Variants in CHRAC1 observed in about 807,000 individuals in gnomAD.
The protein encoded by CHRAC1 is chromatin accessibility complex protein 1.
CHRAC1 carries 6 observed loss-of-function variants against 9.1 expected under a neutral mutation model. The observed-to-expected ratio is 0.66, with a 90% confidence interval of 0.36 to 1.29. The LOEUF (loss-of-function observed/expected upper bound fraction) is 1.29. Ranked by LOEUF, CHRAC1 falls within the 50% of genes most tolerant of loss-of-function variation. The pLI, the probability that CHRAC1 is intolerant of heterozygous loss-of-function variation, is 0.03. For synonymous variants in CHRAC1, 73 were observed against 64.5 expected, an observed-to-expected ratio of 1.13 and a Z score of -0.63; for missense variants, 168 against 163.5, an observed-to-expected ratio of 1.03 and a Z score of -0.15.
intron 1 of CHRAC1, among the ~76,000 whole-genome samples, chr8:140,514,107 T>C (rs2072310050): frequency 6.6e-6 from 1 of 151,956 alleles, no homozygotes; most frequent in Non-Finnish European, 1.5e-5. Flanking sequence ...GGTTTCACTA[T>C]GTTGGCCAGT....
rs1464771790 is a variant in CHRAC1 at position 140,516,453 on chromosome 8, C to T, written c.*1206C>T. 1 of 151,990 alleles carries T rather than the reference C, an allele frequency of 6.6e-6. No individual in the cohort carries two copies. The highest frequency in any genetic ancestry group is 2.4e-5 in the African/African-American group (1 of 41,432). 9.4% of individuals were successfully genotyped at this position (151,990 alleles called of 1,614,324 possible). On this transcript the variant is annotated 3_prime_UTR_variant, in exon 3 of 3. Transcript: ENST00000220913. ...GGCGTGAGCCACCATGCCTGGCCTT[C>T]ATTATCTCTTTTTTAAAAATGAAAA...
intron 2 of CHRAC1, chr8:140,514,749 C>A: frequency 2.6e-6 from 1 of 387,762 alleles, no homozygotes; most frequent in Non-Finnish European, 4.6e-6. Flanking sequence ...GTATGCTGGG[C>A]AGTCCTTTAC....
At position 140,511,713 on chromosome 8, in the gene CHRAC1, C is replaced by T. The variant is rs879443851; in HGVS notation, c.147+67C>T. 7.2e-6 allele frequency: 9 copies of T among 1,250,152 alleles called. No individual in the cohort carries two copies. In the Admixed American group the frequency reaches 1.3e-4, roughly 18 times the overall value. The allele number at this position is 1,250,152 out of a possible 1,614,324, so 77.4% of individuals were successfully genotyped here. A position where few individuals can be genotyped will look rare whatever the true frequency, so the allele number is the denominator to read the frequency against. On this transcript the variant is annotated intron_variant, in intron 1 of 2. Coordinates refer to ENST00000220913, the MANE Select transcript of CHRAC1 (RefSeq NM_017444.6). Reference sequence around the variant, plus strand: ...GCGCCCCGCCCCGCCGGGCTCTGGGCACTGCCCAGTCCCCTTAGGCCCGCG... The same window carrying T: ...GCGCCCCGCCCCGCCGGGCTCTGGGTACTGCCCAGTCCCCTTAGGCCCGCG...
Position 140,515,142 on chromosome 8 carries a change from G to GGT in CHRAC1, c.291_292insGT (p.Ile98ValfsTer3). ...GTTTTTAAGATATATTACCAAAGAA[G>GGT]ATTTTAGCTAGTAAATACCTGAAAA... On this transcript the variant is annotated frameshift_variant, in exon 3 of 3. Coordinates refer to ENST00000220913, the MANE Select transcript of CHRAC1 (RefSeq NM_017444.6). LOFTEE classifies it high-confidence loss of function. The GGT allele has an allele frequency of 6.2e-7, 1 of 1,611,558 alleles. No individual in the cohort carries two copies. Among genetic ancestry groups the GGT allele is most frequent in the Non-Finnish European group, 8.5e-7 (1 of 1,177,770 alleles).
chr8:140,514,490 T>A lies in CHRAC1; in HGVS notation c.269T>A (p.Leu90His). The A allele has an allele frequency of 1.9e-6, 3 of 1,555,478 alleles. No homozygotes were observed. Among genetic ancestry groups the A allele is most frequent in the Non-Finnish European group, 2.6e-6 (3 of 1,161,604 alleles). ...TAQQSETFQF[L>H]ADILPKKILA... ...CAGCAATCAGAAACTTTTCAGTTTCTTGCAGGTACTTAGTCTTTGAAACAT... is the reference window on the plus strand; with the variant it reads ...CAGCAATCAGAAACTTTTCAGTTTCATGCAGGTACTTAGTCTTTGAAACAT... The change falls in exon 2 of 3, where the codon CTT (leucine) becomes CAT (histidine). Residue 90 changes from leucine (L) to histidine (H), a missense_variant. Coordinates refer to ENST00000220913, the MANE Select transcript of CHRAC1 (RefSeq NM_017444.6).
chr8:140,512,638 C>T (rs1007013219), intron 1 of CHRAC1, among the ~76,000 whole-genome samples: 3 of 152,164 alleles, frequency 2.0e-5, no homozygotes, highest in Non-Finnish European at 4.4e-5. Context: ...GATGTCCCTG[C>T]AGTGTTGGAC....
intron 1 of CHRAC1, chr8:140,512,118 C>G (rs546501804): frequency 1.1e-6 from 1 of 927,376 alleles, no homozygotes; most frequent in African/African-American, 1.7e-5. Flanking sequence ...CCGGCCCTAC[C>G]CGTGGGCGTC....
intron 1 of CHRAC1, chr8:140,512,168 G>A (rs569465037): frequency 6.9e-5 from 31 of 450,520 alleles, no homozygotes; most frequent in Non-Finnish European, 1.1e-4. Context: ...TTCTTTGGGG[G>A]CTCTTTCACC....
chr8:140,514,802 G>A (rs1208115005), intron 2 of CHRAC1: 1 of 358,398 alleles, frequency 2.8e-6, no homozygotes, highest in Non-Finnish European at 5.0e-6. Flanking sequence ...AAAACTCAGG[G>A]TGGGTCTACA....
intron 1 of CHRAC1, chr8:140,511,947 CT>C (rs2072280419): frequency 7.8e-7 from 1 of 1,288,666 alleles, no homozygotes; most frequent in Non-Finnish European, 1.0e-6. Context: ...CCGCCCGCCC[CT>C]TCCTTCCGTG....
chr8:140,513,913 CTTTTT>C (rs57880666), intron 1 of CHRAC1, among the ~76,000 whole-genome samples: 5,471 of 86,640 alleles, frequency 0.063, 47 homozygotes, highest in Middle Eastern at 0.15. Flanking sequence ...CCAGTGATTT[CTTTTT>C]TTTTTTTTTT....
At chr8:140,513,446 T>A (rs1262742125) in intron 1 of CHRAC1, among the ~76,000 whole-genome samples, 1 of 152,016 alleles carries the variant, frequency 6.6e-6, no homozygotes, top group Non-Finnish European at 1.5e-5. Flanking sequence ...TTTTTTTTCT[T>A]TTTTTTTGAG....
rs993750997 is a variant in CHRAC1, at chr8:140,511,838, G to C, written c.147+192G>C. On this transcript the variant is annotated intron_variant, in intron 1 of 2. Coordinates refer to ENST00000220913, the MANE Select transcript of CHRAC1 (RefSeq NM_017444.6). ...CGCGCGCCCCCACACTTTCTCGCGCGTCTTCGCCCCGCCCACCCCTCGCCG... is the reference window on the plus strand; with the variant it reads ...CGCGCGCCCCCACACTTTCTCGCGCCTCTTCGCCCCGCCCACCCCTCGCCG... The C allele has an allele frequency of 1.0e-5, 8 of 772,780 alleles. No individual in the cohort carries two copies. In the Middle Eastern group the frequency reaches 2.2e-3, roughly 211 times the overall value. The allele number at this position is 772,780 out of a possible 1,614,324, so 47.9% of individuals were successfully genotyped here. A position where few individuals can be genotyped will look rare whatever the true frequency, so the allele number is the denominator to read the frequency against.
chr8:140,512,302 C>T (rs368202310), intron 1 of CHRAC1, among the ~76,000 whole-genome samples: 2 of 152,066 alleles, frequency 1.3e-5, no homozygotes, highest in East Asian at 3.9e-4. Flanking sequence ...ACTCGAGGCT[C>T]TTTTCCCGCG....
intron 2 of CHRAC1, 169 bp from the exon 3 acceptor site, chr8:140,514,955 GGA>G: frequency 1.6e-6 from 1 of 644,056 alleles, no homozygotes; most frequent in Non-Finnish European, 2.7e-6. Flanking sequence ...GCGTTCGTTA[GGA>G]GACAATGCTA....
chr8:140,511,824 A>T (rs1228734674), intron 1 of CHRAC1, 178 bp downstream of exon 1: 2 of 784,474 alleles, frequency 2.5e-6, no homozygotes, highest in Non-Finnish European at 2.0e-6. Flanking sequence ...GCGCGCCCCC[A>T]CACTTTCTCG....
chr8:140,511,804 T>C, intron 1 of CHRAC1, 158 bp downstream of exon 1: 1 of 811,674 alleles, frequency 1.2e-6, no homozygotes, highest in Non-Finnish European at 1.8e-6. Flanking sequence ...CGGCGCGCGC[T>C]TCGGTGCCCG....
Position 140,516,647 on chromosome 8 carries a change from T to G in CHRAC1, c.*1400T>G, listed in dbSNP as rs1334799533. On this transcript the variant is annotated 3_prime_UTR_variant, in exon 3 of 3. Transcript: ENST00000220913. ...TGCCCCCTAGCAACCACTGGTGTTTTCTGTCCCTCTTGTTCATTGACATTT... is the reference window on the plus strand; with the variant it reads ...TGCCCCCTAGCAACCACTGGTGTTTGCTGTCCCTCTTGTTCATTGACATTT... The G allele has an allele frequency of 1.3e-5, 2 of 152,214 alleles. No individual in the cohort carries two copies. Among genetic ancestry groups the G allele is most frequent in the African/African-American group, 4.8e-5 (2 of 41,452 alleles). The allele number at this position is 152,214 out of a possible 1,614,324, so 9.4% of individuals were successfully genotyped here. A position where few individuals can be genotyped will look rare whatever the true frequency, so the allele number is the denominator to read the frequency against.
chr8:140,511,772 C>A, intron 1 of CHRAC1, 126 bp downstream of exon 1: 1 of 874,646 alleles, frequency 1.1e-6, no homozygotes, highest in Non-Finnish European at 1.5e-6. Flanking sequence ...CTCGCGCGCG[C>A]CCCGCTGTCC....
Sources: gnomAD v4.1 joint callset for allele counts (sites outside exome capture counted in the v4.1 genomes callset) on GRCh38, gnomAD v4.1.1 for gene constraint, MANE v1.5 for transcripts, NCBI Gene and HGNC (gene_info 2026-07-23, HGNC 2026-07-21) for gene names.